The following CTNNA3 variants were observed in gnomAD, a reference collection of about 807,000 sequenced individuals.
CTNNA3 encodes catenin alpha-3.
Under a neutral mutation model 95.7 loss-of-function variants are expected in CTNNA3, and 76 were observed. That is an observed-to-expected ratio of 0.79 (90% CI 0.66 to 0.96). The LOEUF is 0.96. CTNNA3 is among the 40% of genes least tolerant of loss of function. The probability of loss-of-function intolerance (pLI) is 0.00; values close to 1 mark genes in which losing one functional copy is unlikely to be tolerated. For missense variants in CTNNA3, 1,191 were observed against 1,089.8 expected (o/e 1.09, Z -1.31); for synonymous variants, 431 against 374.4 (o/e 1.15, Z -1.74).
At chr10:65,923,173 G>C (rs1460434500) in intron 17 of CTNNA3, among the ~76,000 whole-genome samples, 2 of 152,138 alleles carry the variant, frequency 1.3e-5, no homozygotes, top group Non-Finnish European at 2.9e-5. Context: ...TGGAAATGAA[G>C]TTAGCATAGG....
chr10:66,204,018 C>T (rs1403107143), intron 13 of CTNNA3, among the ~76,000 whole-genome samples: 1 of 152,014 alleles, frequency 6.6e-6, no homozygotes, highest in Admixed American at 6.6e-5. Context: ...GGACTATGAT[C>T]AATTTTACAG....
intron 14 of CTNNA3, among the ~76,000 whole-genome samples, chr10:66,081,587 A>C (rs536078602): frequency 8.9e-4 from 135 of 152,322 alleles, no homozygotes; most frequent in African/African-American, 3.1e-3. Flanking sequence ...CATAGACTAC[A>C]ATAAATATCC....
At chr10:67,493,216 A>G (rs1564690570) in intron 5 of CTNNA3, among the ~76,000 whole-genome samples, 1 of 151,786 alleles carries the variant, frequency 6.6e-6, no homozygotes, top group Non-Finnish European at 1.5e-5. Flanking sequence ...TGGGGGAAAA[A>G]AAAAAAAAAG....
intron 13 of CTNNA3, among the ~76,000 whole-genome samples, chr10:66,162,956 C>T (rs978400865): frequency 6.6e-6 from 1 of 151,974 alleles, no homozygotes; most frequent in Non-Finnish European, 1.5e-5. Context: ...TTACGGCTGC[C>T]TCTGTTGAGT....
intron 13 of CTNNA3, among the ~76,000 whole-genome samples, chr10:66,197,196 T>C (rs1374685222): frequency 6.9e-6 from 1 of 144,236 alleles, no homozygotes; most frequent in Non-Finnish European, 1.5e-5. Context: ...AAAGAGAATT[T>C]CTAAATATTG....
At chr10:67,234,814 A>G (rs1323155647) in intron 5 of CTNNA3, among the ~76,000 whole-genome samples, 7 of 151,218 alleles carry the variant, frequency 4.6e-5, no homozygotes, top group East Asian at 1.9e-4. Context: ...CTTCAGCAAA[A>G]TCTCAGGATA....
chr10:66,282,969 C>T (rs2091520723), intron 12 of CTNNA3, among the ~76,000 whole-genome samples: 1 of 151,792 alleles, frequency 6.6e-6, no homozygotes, highest in Non-Finnish European at 1.5e-5. Flanking sequence ...GTCCAGCTTG[C>T]ATTTAAATGT....
At chr10:66,816,996 C>T (rs1842112660) in intron 7 of CTNNA3, among the ~76,000 whole-genome samples, 1 of 151,832 alleles carries the variant, frequency 6.6e-6, no homozygotes, top group African/African-American at 2.4e-5. Context: ...ATACAACATA[C>T]CAGAATTTAT....
At chr10:67,669,552 A>G (rs1840393563) in intron 1 of CTNNA3, among the ~76,000 whole-genome samples, 1 of 152,198 alleles carries the variant, frequency 6.6e-6, no homozygotes, top group South Asian at 2.1e-4. Context: ...CTCATCCACA[A>G]TGACCCCAAT....
intron 1 of CTNNA3, among the ~76,000 whole-genome samples, chr10:67,728,451 A>G (rs1017779072): frequency 4.7e-5 from 7 of 150,210 alleles, no homozygotes; most frequent in African/African-American, 1.7e-4. Context: ...TATATATATT[A>G]TAGAGATATA....
At chr10:66,188,082 A>G (rs1450206036) in intron 13 of CTNNA3, among the ~76,000 whole-genome samples, 1 of 152,198 alleles carries the variant, frequency 6.6e-6, no homozygotes, top group African/African-American at 2.4e-5. Context: ...GAGAAATACT[A>G]TCACTAAGCT....
intron 15 of CTNNA3, among the ~76,000 whole-genome samples, chr10:66,037,088 G>T (rs1435967441): frequency 5.9e-5 from 9 of 151,842 alleles, no homozygotes; most frequent in Non-Finnish European, 1.3e-4. Context: ...TAGCCAGGAT[G>T]GTCTTGATCT....
chr10:67,571,608 T>C (rs2133290154), intron 3 of CTNNA3, among the ~76,000 whole-genome samples: 1 of 152,306 alleles, frequency 6.6e-6, no homozygotes, highest in Non-Finnish European at 1.5e-5. Context: ...TAATAGACTA[T>C]AGTTTATACA....
chr10:67,645,193 GCACACA>G (rs113262576), intron 2 of CTNNA3, among the ~76,000 whole-genome samples: 1 of 149,084 alleles, frequency 6.7e-6, no homozygotes, highest in Admixed American at 6.7e-5. Context: ...GCACGTGCGC[GCACACA>G]CACACACACA....
At chr10:66,060,516 A>G (rs943045534) in intron 15 of CTNNA3, among the ~76,000 whole-genome samples, 2 of 152,146 alleles carry the variant, frequency 1.3e-5, no homozygotes, top group African/African-American at 4.8e-5. Flanking sequence ...AAGAAATATT[A>G]ACAAACTCAA....
chr10:67,366,746 A>G (rs1843234222), intron 5 of CTNNA3, among the ~76,000 whole-genome samples: 1 of 152,188 alleles, frequency 6.6e-6, no homozygotes, highest in Non-Finnish European at 1.5e-5. Context: ...ATGAAAACAT[A>G]CAATGGGGAA....
At chr10:65,969,950 C>T (rs898733948) in intron 16 of CTNNA3, among the ~76,000 whole-genome samples, 5 of 151,940 alleles carry the variant, frequency 3.3e-5, no homozygotes, top group African/African-American at 1.2e-4. Flanking sequence ...CAAAAAGGAA[C>T]GTCACCAAGG....
intron 7 of CTNNA3, among the ~76,000 whole-genome samples, chr10:67,063,124 A>C (rs571192620): frequency 5.1e-4 from 78 of 152,304 alleles, no homozygotes; most frequent in African/African-American, 1.8e-3. Context: ...ATAAGAACTC[A>C]TTATCAGACT....
intron 11 of CTNNA3, among the ~76,000 whole-genome samples, chr10:66,482,274 T>G (rs1282475938): frequency 6.6e-6 from 1 of 152,158 alleles, no homozygotes; most frequent in Non-Finnish European, 1.5e-5. Flanking sequence ...TAACACGAAA[T>G]TCTGACTGAA....
Sources: allele counts gnomAD v4.1 joint callset (sites outside exome capture counted in the v4.1 genomes callset), GRCh38; gene constraint gnomAD v4.1.1; transcripts MANE v1.5; gene names NCBI Gene and HGNC (gene_info 2026-07-23, HGNC 2026-07-21).